The following TNIK variants were observed in gnomAD, a reference collection of about 807,000 sequenced individuals.
The protein encoded by TNIK is TRAF2 and NCK interacting kinase.
In TNIK, 49 loss-of-function variants were observed where a neutral mutation model predicts 191.3. The observed-to-expected ratio is 0.26, with a 90% CI of 0.20 to 0.32. The LOEUF (loss-of-function observed/expected upper bound fraction) is 0.32. Ranked by LOEUF, TNIK falls within the 10% of genes least tolerant of loss-of-function variation. The pLI, the probability that TNIK is intolerant of heterozygous loss-of-function variation, is 1.00. For missense variants in TNIK, 1,155 were observed against 1,702.3 expected (o/e 0.68, Z 5.66); for synonymous variants, 594 against 600.9 (o/e 0.99, Z 0.17).
Position 171,103,401 on chromosome 3 carries a change from T to C in TNIK, c.2407-1768A>G, listed in dbSNP as rs144536039. On this transcript the variant is annotated intron_variant, in intron 21 of 32. Coordinates refer to ENST00000436636, the MANE Select transcript of TNIK (RefSeq NM_015028.4). Reference sequence around the variant, plus strand: ...AGCCAAAATAGGAAAAGCTAATATCTGAATTTCAACTTTTACTTCTTATTT... The same window carrying C: ...AGCCAAAATAGGAAAAGCTAATATCCGAATTTCAACTTTTACTTCTTATTT... Among the ~76,000 whole-genome samples, 253 of 152,338 alleles carry C rather than the reference T, an allele frequency of 1.7e-3. 1 individual carries two copies. Among genetic ancestry groups the C allele is most frequent in the African/African-American group, 5.8e-3 (240 of 41,588 alleles).
At position 171,403,100 on chromosome 3, in the gene TNIK, C is replaced by T. The variant is rs116813164; in HGVS notation, c.58-33415G>A. Among the ~76,000 whole-genome samples the T allele has an allele frequency of 3.3e-3, 501 of 152,228 alleles. 2 individuals carry two copies. Among genetic ancestry groups the T allele is most frequent in the African/African-American group, 0.012 (483 of 41,544 alleles). On this transcript the variant is annotated intron_variant, in intron 1 of 32. Transcript: ENST00000436636. ...CTAGCACAAAAAGGGAAAAGGATGA[C>T]GGTGAAAGGAAATCCCAGTATGGCA...
chr3:171,374,215 C>T (rs1199717338), intron 1 of TNIK, among the ~76,000 whole-genome samples: 2 of 152,160 alleles, frequency 1.3e-5, no homozygotes, highest in African/African-American at 2.4e-5. Flanking sequence ...TACCACTGTG[C>T]CCTCTATCCT....
At chr3:171,300,942 A>G (rs1276952085) in intron 2 of TNIK, among the ~76,000 whole-genome samples, 1 of 152,208 alleles carries the variant, frequency 6.6e-6, no homozygotes, top group Non-Finnish European at 1.5e-5. Context: ...ATCAAAATAA[A>G]AATGATTCAG....
rs1013283817 is a variant in TNIK at position 171,058,462 on chromosome 3, A to G, written c.*5419T>C. 6.6e-6 allele frequency among the ~76,000 whole-genome samples: 1 copy of G among 152,186 alleles called. No individual in the cohort carries two copies. Among genetic ancestry groups the G allele is most frequent in the Admixed American group, 6.5e-5 (1 of 15,272 alleles). On this transcript the variant is annotated 3_prime_UTR_variant, in exon 33 of 33. Transcript: ENST00000436636. ...TATTTTGACAAAGATAGCATATTAT[A>G]TTCCAGGACATGGTAGTTACCATGT...
intron 1 of TNIK, among the ~76,000 whole-genome samples, chr3:171,438,942 A>T (rs1726391659): frequency 6.6e-6 from 1 of 152,220 alleles, no homozygotes; most frequent in Admixed American, 6.5e-5. Flanking sequence ...CAAAATCAGA[A>T]GTACAGTTCC....
chr3:171,321,054 T>G (rs1755120398), intron 2 of TNIK, among the ~76,000 whole-genome samples: 1 of 152,142 alleles, frequency 6.6e-6, no homozygotes, highest in South Asian at 2.1e-4. Context: ...ATAACTCCAA[T>G]TAAAAGTAGG....
chr3:171,088,425 G>A (rs1721641012), intron 23 of TNIK, among the ~76,000 whole-genome samples: 1 of 152,022 alleles, frequency 6.6e-6, no homozygotes, highest in Admixed American at 6.5e-5. Flanking sequence ...AGTAGAGATG[G>A]GGTTTCACCA....
At chr3:171,150,801 A>G (rs1057279244) in intron 12 of TNIK, among the ~76,000 whole-genome samples, 18 of 152,196 alleles carry the variant, frequency 1.2e-4, no homozygotes, top group African/African-American at 3.1e-4. Context: ...ACAGCCCAGT[A>G]AGACATAACG....
At chr3:171,322,906 C>T (rs1755323377) in intron 2 of TNIK, among the ~76,000 whole-genome samples, 1 of 150,656 alleles carries the variant, frequency 6.6e-6, no homozygotes, top group Non-Finnish European at 1.5e-5. Context: ...AGATCCACTA[C>T]CTGCTTTTGT....
intron 2 of TNIK, among the ~76,000 whole-genome samples, chr3:171,250,345 G>A (rs1456508211): frequency 6.6e-6 from 1 of 152,138 alleles, no homozygotes; most frequent in Non-Finnish European, 1.5e-5. Context: ...AGTGAGATTT[G>A]GGTTAAATAG....
At chr3:171,109,198 G>A (rs1725460057) in intron 19 of TNIK, among the ~76,000 whole-genome samples, 1 of 152,224 alleles carries the variant, frequency 6.6e-6, no homozygotes, top group Non-Finnish European at 1.5e-5. Context: ...ATGGGGCTCT[G>A]TCACCTAGGC....
At chr3:171,107,337 C>A in intron 20 of TNIK, 131 bp from the exon 21 acceptor site, 2 of 775,014 alleles carry the variant, frequency 2.6e-6, no homozygotes, top group South Asian at 1.9e-5. Flanking sequence ...AAGAGAATGT[C>A]AATCCAGAAT....
intron 1 of TNIK, among the ~76,000 whole-genome samples, chr3:171,411,457 T>C (rs747345596): frequency 2.6e-5 from 4 of 152,078 alleles, no homozygotes; most frequent in African/African-American, 4.8e-5. Context: ...TCATCAAATA[T>C]ATAAATTTAT....
chr3:171,171,806 G>A (rs1048446960), intron 9 of TNIK, among the ~76,000 whole-genome samples: 1 of 152,218 alleles, frequency 6.6e-6, no homozygotes, highest in Non-Finnish European at 1.5e-5. Context: ...GCACGCACAA[G>A]AGACAGGAAG....
At position 171,167,916 on chromosome 3, in the gene TNIK, T is replaced by A. The variant is rs190428389; in HGVS notation, c.774-646A>T. On this transcript the variant is annotated intron_variant, in intron 9 of 32. Coordinates refer to ENST00000436636, the MANE Select transcript of TNIK (RefSeq NM_015028.4). ...CTTTTGAACGCTGCTTTCCAAGGAA[T>A]AAGAACATATAAGTATATGTGTACC... Among the ~76,000 whole-genome samples the A allele has an allele frequency of 4.9e-4, 75 of 152,274 alleles. 1 individual carries two copies. In the East Asian group the frequency reaches 9.3e-3, roughly 19 times the overall value.
At chr3:171,333,584 GAAAAA>G (rs562856294) in intron 2 of TNIK, among the ~76,000 whole-genome samples, 1,270 of 114,280 alleles carry the variant, frequency 0.011, 17 homozygotes, top group African/African-American at 0.034. Flanking sequence ...CAAAAAGAAA[GAAAAA>G]AAAAAAAAAA....
intron 1 of TNIK, among the ~76,000 whole-genome samples, chr3:171,398,338 A>G (rs1258786026): frequency 6.6e-6 from 1 of 152,202 alleles, no homozygotes. Context: ...ATAGCATCAC[A>G]TTTTTATTTA....
chr3:171,376,237 G>A (rs183183996), intron 1 of TNIK, among the ~76,000 whole-genome samples: 2 of 152,098 alleles, frequency 1.3e-5, no homozygotes, highest in African/African-American at 2.4e-5. Flanking sequence ...CATCATCTTC[G>A]AAAGTACAGC....
chr3:171,312,680 A>C (rs1303449154), intron 2 of TNIK, among the ~76,000 whole-genome samples: 1 of 152,198 alleles, frequency 6.6e-6, no homozygotes, highest in Non-Finnish European at 1.5e-5. Context: ...CAGTAAATTT[A>C]CCAGTTTCCT....
Sources: gnomAD v4.1 joint callset for allele counts (sites outside exome capture counted in the v4.1 genomes callset) on GRCh38, gnomAD v4.1.1 for gene constraint, MANE v1.5 for transcripts, NCBI Gene and HGNC (gene_info 2026-07-23, HGNC 2026-07-21) for gene names.